The following SLC22A23 variants were observed in gnomAD, a reference collection of about 807,000 sequenced individuals.
SLC22A23 encodes solute carrier family 22 member 23, also known as ion transporter protein.
In SLC22A23, 26 loss-of-function variants were observed where a neutral mutation model predicts 61.0. That is an observed-to-expected ratio of 0.43 (90% CI 0.31 to 0.59). SLC22A23 has a LOEUF of 0.59. Ranked by LOEUF, SLC22A23 falls within the 20% of genes least tolerant of loss-of-function variation. The pLI, the probability that SLC22A23 is intolerant of heterozygous loss-of-function variation, is 0.11. For synonymous variants in SLC22A23, 430 were observed against 413.9 expected (o/e 1.04, Z -0.47); for missense variants, 796 against 934.7 (o/e 0.85, Z 1.94).
Position 3,317,658 on chromosome 6 carries a change from C to T in SLC22A23, c.1082+6176G>A, listed in dbSNP as rs1393367977. On this transcript the variant is annotated intron_variant, in intron 4 of 9. Transcript: ENST00000406686. This position sits in a 1 kb window ranked among gnomAD's most constrained non-coding sequence, Gnocchi z 4.4. The stretch of plus-strand genomic sequence containing the variant: ...GACAATCAATGCCTGAGCAAAATGA[C>T]TAAAGATGCATTTCTCTTCAGGCAT... Among the ~76,000 whole-genome samples the T allele has an allele frequency of 1.3e-5, 2 of 152,152 alleles. No homozygotes were observed. The highest frequency in any genetic ancestry group is 4.8e-5 in the African/African-American group (2 of 41,424).
chr6:3,289,581 C>T (rs1417765236), intron 6 of SLC22A23, among the ~76,000 whole-genome samples, 183 bp downstream of exon 6: 3 of 152,190 alleles, frequency 2.0e-5, no homozygotes, highest in Non-Finnish European at 2.9e-5. Context: ...TGGGGGGCAC[C>T]GGCTGCTTGA....
intron 4 of SLC22A23, among the ~76,000 whole-genome samples, chr6:3,319,995 C>T (rs911930131): frequency 6.6e-6 from 1 of 152,208 alleles, no homozygotes; most frequent in Non-Finnish European, 1.5e-5. Context: ...GCAAAGATCT[C>T]CCAGTCCTGT....
intron 3 of SLC22A23, among the ~76,000 whole-genome samples, chr6:3,404,242 A>G (rs1768638258): frequency 1.3e-5 from 2 of 152,326 alleles, no homozygotes; most frequent in Admixed American, 6.5e-5. Flanking sequence ...TCAAAACACC[A>G]AAAGATATAT....
chr6:3,426,243 G>A (rs1047374700), intron 1 of SLC22A23, among the ~76,000 whole-genome samples: 11 of 152,164 alleles, frequency 7.2e-5, no homozygotes. Context: ...GACTCATTCA[G>A]AATTAAAAAA....
chr6:3,332,408 T>C (rs1316493870), intron 3 of SLC22A23, among the ~76,000 whole-genome samples: 1 of 152,238 alleles, frequency 6.6e-6, no homozygotes, highest in Non-Finnish European at 1.5e-5. Context: ...AGAAGAATTA[T>C]TAGCAACTTA....
rs1304076255 is a variant in SLC22A23 at position 3,287,049 on chromosome 6, C to G, written c.1356G>C (p.Met452Ile). 4.3e-6 allele frequency: 7 copies of G among 1,614,242 alleles called. No homozygotes were observed. Among genetic ancestry groups the G allele is most frequent in the Non-Finnish European group, 5.1e-6 (6 of 1,180,038 alleles). The change falls in exon 7 of 10, where the codon ATG becomes ATC. Residue 452 changes from methionine (M) to isoleucine (I), a missense_variant. Met to Ile is a conservative substitution (Grantham distance 10, BLOSUM62 1). Coordinates refer to ENST00000406686, the MANE Select transcript of SLC22A23 (RefSeq NM_015482.2). ...YGIHHCFARS[M>I]MGHEVKVPLL... is the part of the protein sequence containing the mutation. ...GCGGCACCTTCACCTCGTGGCCCAT[C>G]ATGCTCCTGGCAAAGCAGTGGTGGA...
intron 3 of SLC22A23, among the ~76,000 whole-genome samples, chr6:3,365,405 CAGG>C (rs1765742607): frequency 6.6e-6 from 1 of 152,200 alleles, no homozygotes; most frequent in Admixed American, 6.5e-5. Context: ...TGGGGAAACA[CAGG>C]AGTAGACTAC....
intron 9 of SLC22A23, among the ~76,000 whole-genome samples, chr6:3,280,520 G>A (rs1274540446): frequency 1.2e-5 from 1 of 83,908 alleles, no homozygotes; most frequent in Admixed American, 1.6e-4. Context: ...TTTTGAGATG[G>A]AGTCTCGCTC....
chr6:3,433,377 C>G (rs1561979144), intron 1 of SLC22A23, among the ~76,000 whole-genome samples: 1 of 152,188 alleles, frequency 6.6e-6, no homozygotes, highest in Non-Finnish European at 1.5e-5. Context: ...GGGGCCACAA[C>G]TCTCTAGGGC....
intron 1 of SLC22A23, among the ~76,000 whole-genome samples, chr6:3,423,816 A>C (rs867541830): frequency 6.6e-6 from 1 of 152,236 alleles, no homozygotes; most frequent in African/African-American, 2.4e-5. Flanking sequence ...ACAGAGCCGG[A>C]CTGTAGCATT....
chr6:3,438,649 G>A (rs1310735899), intron 1 of SLC22A23: 5 of 399,446 alleles, frequency 1.3e-5, no homozygotes, highest in South Asian at 5.6e-5. Context: ...CCAAACAAAC[G>A]TTTCCTTTTC....
chr6:3,373,873 C>T lies in SLC22A23; in HGVS notation c.913+36315G>A, dbSNP rs139686077. 5.0e-3 allele frequency among the ~76,000 whole-genome samples: 765 copies of T among 152,318 alleles called. 11 individuals carry two copies. The highest frequency in any genetic ancestry group is 0.018 in the African/African-American group (729 of 41,558). On this transcript the variant is annotated intron_variant, in intron 3 of 9. Coordinates refer to ENST00000406686, the MANE Select transcript of SLC22A23 (RefSeq NM_015482.2). ...GCAGTAACAGTGAACAGTGGACACT[C>T]ATCTGGTGCCCACTACGTGCCAGGC...
intron 1 of SLC22A23, among the ~76,000 whole-genome samples, chr6:3,430,060 C>A (rs1000800062): frequency 6.6e-6 from 1 of 152,090 alleles, no homozygotes; most frequent in African/African-American, 2.4e-5. Flanking sequence ...TTTTCCCACA[C>A]GCACACACAA....
At chr6:3,409,671 C>CAAGATA (rs1769076702) in intron 3 of SLC22A23, among the ~76,000 whole-genome samples, 1 of 152,180 alleles carries the variant, frequency 6.6e-6, no homozygotes. Context: ...AGCCAACAGA[C>CAAGATA]AAGATAGATC....
intron 3 of SLC22A23, among the ~76,000 whole-genome samples, chr6:3,382,416 T>A (rs76261226): frequency 2.2e-3 from 338 of 152,354 alleles, no homozygotes; most frequent in African/African-American, 7.6e-3. Flanking sequence ...TTGCTACCTT[T>A]CTCCCTCAAC....
At chr6:3,434,840 T>C (rs887413509) in intron 1 of SLC22A23, among the ~76,000 whole-genome samples, 8 of 152,102 alleles carry the variant, frequency 5.3e-5, no homozygotes, top group South Asian at 2.1e-4. Flanking sequence ...GCTTAGGAAA[T>C]AGATCTCTAG....
rs761262348 is a variant in SLC22A23 at position 3,283,777 on chromosome 6, C to T, written c.1703+75G>A. On this transcript the variant is annotated intron_variant, in intron 9 of 9. Transcript: ENST00000406686. ...ACAGAGCTGACGCTGGTTAATCCCA[C>T]ACCAGCCTGGAGCCAGGGACTCGTC... 1.9e-6 allele frequency: 3 copies of T among 1,597,904 alleles called. No homozygotes were observed. The South Asian group carries it at 3.3e-5, about 18-fold the overall frequency.
chr6:3,316,663 G>A (rs1429758457), intron 4 of SLC22A23, among the ~76,000 whole-genome samples: 1 of 152,114 alleles, frequency 6.6e-6, no homozygotes, highest in Non-Finnish European at 1.5e-5. Context: ...TAAGAGATAG[G>A]GTCTTGCTCT....
At chr6:3,407,050 T>C (rs1283919033) in intron 3 of SLC22A23, among the ~76,000 whole-genome samples, 1 of 152,350 alleles carries the variant, frequency 6.6e-6, no homozygotes, top group East Asian at 1.9e-4. Context: ...TGCTATCCAG[T>C]TCTGTTCTGA....
Sources: gnomAD v4.1 joint callset for allele counts (sites outside exome capture counted in the v4.1 genomes callset) on GRCh38, gnomAD v4.1.1 for gene constraint, Gnocchi (gnomAD v3.1) non-coding constraint, MANE v1.5 for transcripts, NCBI Gene and HGNC (gene_info 2026-07-23, HGNC 2026-07-21) for gene names.